WWOX: variants seen among roughly 807,000 people sequenced by gnomAD.
The protein encoded by WWOX is WW domain-containing oxidoreductase.
In WWOX, 69 loss-of-function variants were observed where a neutral mutation model predicts 46.2. That is an observed-to-expected ratio of 1.49 (90% CI 1.23 to 1.82). The LOEUF (loss-of-function observed/expected upper bound fraction) is 1.82, where lower values mean the gene tolerates loss of function less well. Among genes scored for constraint, WWOX ranks in the 40% most tolerant of loss-of-function variants. WWOX has a pLI of 0.00. For synonymous variants in WWOX, 359 were observed against 202.6 expected (o/e 1.77, Z -6.56); for missense variants, 919 against 542.6 (o/e 1.69, Z -6.89).
chr16:78,838,330 C>T (rs1282645190), intron 8 of WWOX, among the ~76,000 whole-genome samples: 1 of 152,158 alleles, frequency 6.6e-6, no homozygotes, highest in Non-Finnish European at 1.5e-5. Context: ...ACCAGAAGAG[C>T]TGACTTCAGA....
intron 8 of WWOX, among the ~76,000 whole-genome samples, chr16:78,578,272 ATATATATATATATTTT>A (rs1567657336): frequency 3.5e-5 from 1 of 28,266 alleles, no homozygotes; most frequent in African/African-American, 1.4e-4. Context: ...ATATATATAT[ATATATATATATATTTT>A]TTTTTTTTTT....
At chr16:78,767,935 C>G (rs1012337306) in intron 8 of WWOX, among the ~76,000 whole-genome samples, 1 of 152,058 alleles carries the variant, frequency 6.6e-6, no homozygotes, top group Non-Finnish European at 1.5e-5. Context: ...TGATAACCTT[C>G]CAGCACCACG....
At chr16:79,097,013 G>C (rs1478027305) in intron 8 of WWOX, among the ~76,000 whole-genome samples, 1 of 152,092 alleles carries the variant, frequency 6.6e-6, no homozygotes, top group Non-Finnish European at 1.5e-5. Context: ...GCAACTTTCT[G>C]TGGCATAGAA....
intron 8 of WWOX, among the ~76,000 whole-genome samples, chr16:78,586,644 G>A (rs2045215960): frequency 1.3e-5 from 2 of 152,118 alleles, no homozygotes; most frequent in African/African-American, 2.4e-5. Context: ...TAAAAATAAT[G>A]AGCATTTATT....
chr16:78,583,143 C>T (rs1013445816), intron 8 of WWOX, among the ~76,000 whole-genome samples: 2 of 152,114 alleles, frequency 1.3e-5, no homozygotes, highest in Non-Finnish European at 2.9e-5. Context: ...CCTTGTGAGT[C>T]TCTTAATTGG....
At chr16:78,809,322 A>G (rs545601761) in intron 8 of WWOX, among the ~76,000 whole-genome samples, 4 of 151,390 alleles carry the variant, frequency 2.6e-5, no homozygotes, top group South Asian at 2.2e-4. Flanking sequence ...GAAAAAAAAA[A>G]AAAAAAAGAA....
chr16:78,501,765 G>C (rs763296025), intron 8 of WWOX, among the ~76,000 whole-genome samples: 9 of 152,092 alleles, frequency 5.9e-5, no homozygotes, highest in Non-Finnish European at 1.3e-4. Context: ...TCGAACTCCT[G>C]ACCTGAAGTG....
In WWOX at chr16:78,170,257, C is replaced by A. The variant is rs1057349250; in HGVS notation, c.516+5968C>A. On this transcript the variant is annotated intron_variant, in intron 5 of 8. Coordinates refer to ENST00000566780, the MANE Select transcript of WWOX (RefSeq NM_016373.4). ...ATTAGAATCAGATACATCTTATGACCTTGGGCAAGTTTCTTAACTTCTTTA... is the reference window on the plus strand; with the variant it reads ...ATTAGAATCAGATACATCTTATGACATTGGGCAAGTTTCTTAACTTCTTTA... Among the ~76,000 whole-genome samples the A allele has an allele frequency of 3.9e-5, 6 of 152,216 alleles. No individual in the cohort carries two copies. In the East Asian group the frequency reaches 1.2e-3, roughly 29 times the overall value.
intron 8 of WWOX, among the ~76,000 whole-genome samples, chr16:78,527,189 C>T (rs1053135334): frequency 2.0e-5 from 3 of 151,958 alleles, no homozygotes; most frequent in Non-Finnish European, 4.4e-5. Flanking sequence ...TAGGAATGAA[C>T]AGATGAACAA....
rs150276036 is a variant in WWOX, at chr16:79,148,362, C to G, written c.1057-63246C>G. 2.6e-5 allele frequency among the ~76,000 whole-genome samples: 4 copies of G among 152,188 alleles called. No homozygotes were observed. In the East Asian group the frequency reaches 7.7e-4, roughly 29 times the overall value. On this transcript the variant is annotated intron_variant, in intron 8 of 8. Coordinates refer to ENST00000566780, the MANE Select transcript of WWOX (RefSeq NM_016373.4). ...TCCAGAGAATTTTTTTACCTTTATT[C>G]AAAATGAATTGAGCATGTTTGTGTG... is the stretch of plus-strand genomic sequence containing the variant.
At chr16:78,131,033 G>A (rs2033572313) in intron 4 of WWOX, among the ~76,000 whole-genome samples, 1 of 152,182 alleles carries the variant, frequency 6.6e-6, no homozygotes, top group Non-Finnish European at 1.5e-5. Flanking sequence ...GAATACTATA[G>A]GCAGTCATAA....
intron 8 of WWOX, among the ~76,000 whole-genome samples, chr16:78,622,387 A>G (rs907670811): frequency 2.6e-5 from 4 of 152,064 alleles, no homozygotes; most frequent in African/African-American, 9.7e-5. Flanking sequence ...TACTAAAAAT[A>G]CAAAATTAGT....
intron 8 of WWOX, among the ~76,000 whole-genome samples, chr16:79,023,221 T>C (rs1337868840): frequency 1.3e-5 from 2 of 152,208 alleles, no homozygotes; most frequent in Non-Finnish European, 2.9e-5. Context: ...GTCCATCTTG[T>C]TGGAAGGCTG....
chr16:78,644,972 G>A (rs1028990713), intron 8 of WWOX, among the ~76,000 whole-genome samples: 20 of 152,188 alleles, frequency 1.3e-4, no homozygotes, highest in Non-Finnish European at 4.4e-5. Flanking sequence ...TAAACGGTGA[G>A]TTTTGGTTCT....
chr16:79,068,449 C>T (rs996901387), intron 8 of WWOX, among the ~76,000 whole-genome samples: 4 of 152,046 alleles, frequency 2.6e-5, no homozygotes, highest in African/African-American at 9.7e-5. Flanking sequence ...CTCCTGAATG[C>T]ACAATCATAT....
Position 78,128,561 on chromosome 16 carries a change from G to C in WWOX, c.409+13407G>C, listed in dbSNP as rs77749014. Among the ~76,000 whole-genome samples, 633 of 152,296 alleles carry C rather than the reference G, an allele frequency of 4.2e-3. 4 individuals are homozygous for C. The highest frequency in any genetic ancestry group is 7.0e-3 in the Non-Finnish European group (473 of 68,036). ...CTGCTCACAGTGCAGCACGAATTTA[G>C]ATACTGATTGGGGATTCAGACACAA... On this transcript the variant is annotated intron_variant, in intron 4 of 8. Transcript: ENST00000566780.
chr16:78,442,243 C>T (rs2083460988), intron 8 of WWOX, among the ~76,000 whole-genome samples: 2 of 152,090 alleles, frequency 1.3e-5, no homozygotes, highest in African/African-American at 4.8e-5. Flanking sequence ...ACACATCGGT[C>T]AACTTACATA....
At chr16:78,362,761 CTA>C (rs2081438907) in intron 5 of WWOX, among the ~76,000 whole-genome samples, 1 of 152,218 alleles carries the variant, frequency 6.6e-6, no homozygotes, top group Non-Finnish European at 1.5e-5. Context: ...GAAGAACTTA[CTA>C]TGTGTCCAGT....
At chr16:78,547,730 G>A (rs771157080) in intron 8 of WWOX, among the ~76,000 whole-genome samples, 3 of 152,054 alleles carry the variant, frequency 2.0e-5, no homozygotes, top group South Asian at 4.1e-4. Flanking sequence ...TCCTCATATC[G>A]TGGGAGGGGC....
Sources: allele counts gnomAD v4.1 joint callset (sites outside exome capture counted in the v4.1 genomes callset), GRCh38; gene constraint gnomAD v4.1.1; transcripts MANE v1.5; gene names NCBI Gene and HGNC (gene_info 2026-07-23, HGNC 2026-07-21).